The following MITF variants were observed in gnomAD, a reference collection of about 807,000 sequenced individuals.
MITF encodes melanocyte inducing transcription factor.
A neutral mutation model predicts 60.5 loss-of-function variants in MITF; 17 were observed. The ratio of observed to expected loss-of-function variants is 0.28; its 90% CI spans 0.19 to 0.42. The LOEUF is 0.42. Ranked by LOEUF, MITF falls within the 10% of genes least tolerant of loss-of-function variation. The pLI is 1.00. For synonymous variants in MITF, 260 were observed against 248.5 expected (o/e 1.05, Z -0.43); for missense variants, 622 against 683.5 (o/e 0.91, Z 1.00).
chr3:69,838,883 G>A (rs2063581213), intron 1 of MITF, among the ~76,000 whole-genome samples: 1 of 152,206 alleles, frequency 6.6e-6, no homozygotes, highest in Non-Finnish European at 1.5e-5. Flanking sequence ...CAAAGGTCAT[G>A]TGTAAGTTCT....
Position 69,801,947 on chromosome 3 carries a change from G to GGTAT in MITF, c.104+62247_104+62248insTATG, listed in dbSNP as rs1297760047. 3.9e-5 allele frequency among the ~76,000 whole-genome samples: 6 copies of GGTAT among 152,094 alleles called. No individual in the cohort carries two copies. In the East Asian group the frequency reaches 1.2e-3, roughly 29 times the overall value. ...AGTGATTTGTCTCTATTCTGTGCCTGGCATGTAATAGGCCCTCAATAAACA... is the reference window on the plus strand; with the variant it reads ...AGTGATTTGTCTCTATTCTGTGCCTGGTATGCATGTAATAGGCCCTCAATAAACA... On this transcript the variant is annotated intron_variant, in intron 1 of 9. Transcript: ENST00000352241.
intron 1 of MITF, among the ~76,000 whole-genome samples, chr3:69,835,987 T>C (rs2107119907): frequency 6.6e-6 from 1 of 152,124 alleles, no homozygotes; most frequent in East Asian, 1.9e-4. Context: ...AATTTTAGGA[T>C]TTTTTTTCTA....
intron 1 of MITF, among the ~76,000 whole-genome samples, chr3:69,856,838 A>G (rs2063926846): frequency 6.6e-6 from 1 of 152,042 alleles, no homozygotes; most frequent in Admixed American, 6.6e-5. Flanking sequence ...AAATTATTTG[A>G]GGACAAACAT....
rs184054031 is a variant in MITF at position 69,810,756 on chromosome 3, A to G, written c.105-68378A>G. Reference sequence around the variant, plus strand: ...GCAGTTGTTCATTTGACAGATATTTACGAAGCATCTGCAGTGTACATGGGA... The same window carrying G: ...GCAGTTGTTCATTTGACAGATATTTGCGAAGCATCTGCAGTGTACATGGGA... On this transcript the variant is annotated intron_variant, in intron 1 of 9. Coordinates refer to ENST00000352241, the MANE Select transcript of MITF (RefSeq NM_001354604.2). Among the ~76,000 whole-genome samples the G allele has an allele frequency of 7.2e-5, 11 of 152,306 alleles. 1 individual carries two copies. The highest frequency in any genetic ancestry group is 5.9e-4 in the Admixed American group (9 of 15,302).
rs34482357 is a variant in MITF at position 69,829,672 on chromosome 3, GCA to G, written c.105-49438_105-49437del. Among the ~76,000 whole-genome samples the G allele has an allele frequency of 6.2e-3, 934 of 150,614 alleles. 14 individuals carry two copies. The highest frequency in any genetic ancestry group is 0.021 in the African/African-American group (878 of 40,972). ...TTTGTGTATATACAAAGGTGTGGATGCACACACACACACACACACACACACCA... is the reference window on the plus strand; with the variant it reads ...TTTGTGTATATACAAAGGTGTGGATGCACACACACACACACACACACACCA... On this transcript the variant is annotated intron_variant, in intron 1 of 9. Coordinates refer to ENST00000352241, the MANE Select transcript of MITF (RefSeq NM_001354604.2).
chr3:69,777,904 G>A (rs974428271), intron 1 of MITF, among the ~76,000 whole-genome samples: 1 of 152,120 alleles, frequency 6.6e-6, no homozygotes, highest in Non-Finnish European at 1.5e-5. Context: ...GAGAGGAATG[G>A]AAAGGTTTTA....
intron 1 of MITF, among the ~76,000 whole-genome samples, chr3:69,767,867 G>A (rs529383935): frequency 1.3e-5 from 2 of 152,282 alleles, no homozygotes; most frequent in South Asian, 2.1e-4. Flanking sequence ...TGTGAGGAAC[G>A]ATGATACACA....
At chr3:69,764,561 C>T (rs1236250621) in intron 1 of MITF, among the ~76,000 whole-genome samples, 2 of 152,100 alleles carry the variant, frequency 1.3e-5, no homozygotes, top group East Asian at 1.9e-4. Context: ...AATAATGTAG[C>T]GCTTAGGATG....
chr3:69,965,399 T>C lies in MITF; in HGVS notation c.*151T>C. The C allele has an allele frequency of 1.3e-6, 1 of 781,382 alleles. No homozygotes were observed. The highest frequency in any genetic ancestry group is 2.0e-6 in the Non-Finnish European group (1 of 503,502). The allele number at this position is 781,382 out of a possible 1,614,324, so 48.4% of individuals were successfully genotyped here. A position where few individuals can be genotyped will look rare whatever the true frequency, so the allele number is the denominator to read the frequency against. On this transcript the variant is annotated 3_prime_UTR_variant, in exon 10 of 10. Transcript: ENST00000352241. Reference sequence around the variant, plus strand: ...AATAGCCCAGGATATATTTTATTTTTAGAATTTTGTGAAACAGACTTGTAT... The same window carrying C: ...AATAGCCCAGGATATATTTTATTTTCAGAATTTTGTGAAACAGACTTGTAT...
intron 1 of MITF, among the ~76,000 whole-genome samples, chr3:69,860,742 TC>T (rs2064001913): frequency 6.6e-6 from 1 of 152,248 alleles, no homozygotes; most frequent in Non-Finnish European, 1.5e-5. Flanking sequence ...TGTATAAATA[TC>T]TTAACCATTC....
At chr3:69,962,388 T>G (rs1003609990) in intron 9 of MITF, among the ~76,000 whole-genome samples, 1 of 152,230 alleles carries the variant, frequency 6.6e-6, no homozygotes, top group Admixed American at 6.5e-5. Flanking sequence ...CTGGAGATTA[T>G]GTAAAGGAAC....
intron 1 of MITF, among the ~76,000 whole-genome samples, chr3:69,865,161 T>C (rs1184862973): frequency 6.6e-6 from 1 of 152,042 alleles, no homozygotes; most frequent in Admixed American, 6.5e-5. Flanking sequence ...CCTGGCTAGA[T>C]ATTTCCTAGC....
At chr3:69,784,512 A>G (rs1044508331) in intron 1 of MITF, among the ~76,000 whole-genome samples, 1 of 152,208 alleles carries the variant, frequency 6.6e-6, no homozygotes, top group African/African-American at 2.4e-5. Context: ...ATCTCTTAGT[A>G]TAGAAAACAG....
intron 9 of MITF, among the ~76,000 whole-genome samples, chr3:69,961,482 G>A (rs1458705390): frequency 6.6e-6 from 1 of 151,870 alleles, no homozygotes. Context: ...CAAGGTGGGT[G>A]GATCACGAGT....
chr3:69,933,314 A>G (rs1047780332), intron 2 of MITF, among the ~76,000 whole-genome samples: 3 of 152,144 alleles, frequency 2.0e-5, no homozygotes, highest in Non-Finnish European at 2.9e-5. Flanking sequence ...AGATAGGGAT[A>G]TTTCTTCCCC....
intron 1 of MITF, among the ~76,000 whole-genome samples, chr3:69,767,549 C>T (rs577231459): frequency 4.6e-5 from 7 of 152,216 alleles, no homozygotes; most frequent in Admixed American, 2.6e-4. Context: ...TGCGCCACTG[C>T]ACTCCAGCCT....
At chr3:69,910,060 A>G (rs75869142) in intron 2 of MITF, among the ~76,000 whole-genome samples, 2 of 152,148 alleles carry the variant, frequency 1.3e-5, no homozygotes, top group African/African-American at 4.8e-5. Context: ...AGTGGTTCCA[A>G]GTGCCATTCC....
At chr3:69,889,405 T>C (rs1356796640) in intron 2 of MITF, among the ~76,000 whole-genome samples, 1 of 151,218 alleles carries the variant, frequency 6.6e-6, no homozygotes, top group African/African-American at 2.4e-5. Flanking sequence ...TTAAATGAGA[T>C]AATTCACGAA....
chr3:69,846,172 GA>G (rs375943398), intron 1 of MITF, among the ~76,000 whole-genome samples: 74,696 of 150,492 alleles, frequency 0.5, 20,220 homozygotes, highest in Non-Finnish European at 0.63. Flanking sequence ...AATTAATTGA[GA>G]GATCTAAATT....
Sources: allele counts gnomAD v4.1 joint callset (sites outside exome capture counted in the v4.1 genomes callset), GRCh38; gene constraint gnomAD v4.1.1; transcripts MANE v1.5; gene names NCBI Gene and HGNC (gene_info 2026-07-23, HGNC 2026-07-21).